LCA5: variants seen among roughly 807,000 people sequenced by gnomAD.
LCA5 encodes lebercilin LCA5.
In LCA5, 37 loss-of-function variants were observed where a neutral mutation model predicts 53.0. The observed-to-expected ratio is 0.70, with a 90% CI of 0.54 to 0.92. The LOEUF is 0.92. Ranked by LOEUF, LCA5 falls within the 40% of genes least tolerant of loss-of-function variation. The pLI, the probability that LCA5 is intolerant of heterozygous loss-of-function variation, is 0.00. For missense variants in LCA5, 806 were observed against 790.5 expected (o/e 1.02, Z -0.23); for synonymous variants, 303 against 282.9 (o/e 1.07, Z -0.71).
intron 6 of LCA5, 111 bp from the exon 7 acceptor site, chr6:79,489,327 C>G: frequency 9.1e-7 from 1 of 1,103,168 alleles, no homozygotes; most frequent in Non-Finnish European, 1.3e-6. Context: ...AAAATTAATA[C>G]AAATTTTCAA....
intron 2 of LCA5, among the ~76,000 whole-genome samples, chr6:79,517,595 T>C (rs1394873033): frequency 1.3e-5 from 2 of 152,078 alleles, no homozygotes; most frequent in Non-Finnish European, 2.9e-5. Context: ...CAAAGCATTG[T>C]ACTTACAAAA....
At chr6:79,517,864 T>C (rs1438099552) in intron 2 of LCA5, among the ~76,000 whole-genome samples, 1 of 152,152 alleles carries the variant, frequency 6.6e-6, no homozygotes, top group Non-Finnish European at 1.5e-5. Flanking sequence ...GCAAGGCATT[T>C]CATAATGTGG....
At chr6:79,491,815 T>C in intron 5 of LCA5, 85 bp from the exon 6 acceptor site, 1 of 1,150,842 alleles carries the variant, frequency 8.7e-7, no homozygotes, top group Non-Finnish European at 1.3e-6. Context: ...TATATATATA[T>C]GCATGTGTGT....
At chr6:79,530,927 A>G (rs1766940585) in intron 1 of LCA5, among the ~76,000 whole-genome samples, 1 of 152,210 alleles carries the variant, frequency 6.6e-6, no homozygotes, top group South Asian at 2.1e-4. Flanking sequence ...AGTAATTATT[A>G]AGTTTTCTTG....
chr6:79,485,128 C>T lies in LCA5; in HGVS notation c.*1876G>A, dbSNP rs1165525283. On this transcript the variant is annotated 3_prime_UTR_variant, in exon 8 of 8. Coordinates refer to ENST00000369846, the MANE Select transcript of LCA5 (RefSeq NM_001122769.3). ...TACATTTTAATCTCCAATTTTAATG[C>T]TTAATATCATAATGCCTTTAAATCT... The T allele has an allele frequency of 3.9e-5, 6 of 152,374 alleles. No individual in the cohort carries two copies. The highest frequency in any genetic ancestry group is 5.9e-5 in the Non-Finnish European group (4 of 67,964). 9.4% of individuals were successfully genotyped at this position (152,374 alleles called of 1,614,324 possible). A position where few individuals can be genotyped will look rare whatever the true frequency, so the allele number is the denominator to read the frequency against.
intron 1 of LCA5, among the ~76,000 whole-genome samples, chr6:79,530,170 G>A (rs1766916205): frequency 6.6e-6 from 1 of 152,160 alleles, no homozygotes; most frequent in South Asian, 2.1e-4. Context: ...CAGGTTTTGA[G>A]GGATGTCTCT....
intron 3 of LCA5, among the ~76,000 whole-genome samples, chr6:79,510,026 A>G (rs143672594): frequency 6.6e-6 from 1 of 152,318 alleles, no homozygotes; most frequent in East Asian, 1.9e-4. Context: ...AAGGCAGAAG[A>G]TCAAGAGTAG....
chr6:79,487,519 T>C lies in LCA5; in HGVS notation c.1579A>G (p.Ile527Val), dbSNP rs75319738. ...RLFNGHHLQDISFSTPKGEGQ... is the reference protein window; with the variant it reads ...RLFNGHHLQDVSFSTPKGEGQ... ...TCTCCTTTTGGAGTTGAGAAACTGA[T>C]GTCTTGCAAATGATGCCCATTAAAT... Residue 527 changes from isoleucine to valine, a missense_variant, in exon 8 of 8, where the codon ATC becomes GTC. Transcript: ENST00000369846. The C allele has an allele frequency of 8.7e-4, 1,409 of 1,614,096 alleles. 16 individuals carry two copies. The African/African-American group carries it at 0.017, about 20-fold the overall frequency.
rs1238755929 is a variant in LCA5 at position 79,487,284 on chromosome 6, A to T, written c.1814T>A (p.Met605Lys). Residue 605 changes from methionine (M) to lysine (K), a missense_variant, in exon 8 of 8, where the codon ATG (methionine) becomes AAG (lysine). Physicochemically the swap from Met to Lys is moderately conservative, Grantham distance 95 (BLOSUM62 -1). Coordinates refer to ENST00000369846, the MANE Select transcript of LCA5 (RefSeq NM_001122769.3). Reference protein sequence around the residue: ...ITRKEKKANLMEQLFGASGSS... With the variant: ...ITRKEKKANLKEQLFGASGSS... The stretch of plus-strand genomic sequence containing the variant: ...ACCACTGGCACCAAATAACTGTTCC[A>T]TCAAATTAGCTTTTTTCTCTTTTCT... The T allele has an allele frequency of 6.2e-7, 1 of 1,614,008 alleles. No individual in the cohort carries two copies.
Position 79,518,866 on chromosome 6 carries a change from G to T in LCA5, c.29C>A (p.Thr10Asn). Residue 10 changes from threonine to asparagine, a missense_variant, in exon 2 of 8, where the codon ACT becomes AAT. Coordinates refer to ENST00000369846, the MANE Select transcript of LCA5 (RefSeq NM_001122769.3). Reference protein sequence around the residue: MGERAGSPGTDQERKAGKHH... With the variant: MGERAGSPGNDQERKAGKHH... Reference sequence around the variant, plus strand: ...TTTGCCTGCCTTTCTTTCTTGATCAGTACCTGGACTTCCTGCTCTTTCCCC... The same window carrying T: ...TTTGCCTGCCTTTCTTTCTTGATCATTACCTGGACTTCCTGCTCTTTCCCC... 1 of 1,614,108 alleles carries T rather than the reference G, an allele frequency of 6.2e-7. No homozygotes were observed. Among genetic ancestry groups the T allele is most frequent in the Non-Finnish European group, 8.5e-7 (1 of 1,179,990 alleles).
rs189778199 is a variant in LCA5, at chr6:79,521,253, G to A, written c.-191-2168C>T. Reference sequence around the variant, plus strand: ...TTGTAGATTTAACATTGGAAATTACGATTTTTAGAAATGAGATTTTTGAAA... The same window carrying A: ...TTGTAGATTTAACATTGGAAATTACAATTTTTAGAAATGAGATTTTTGAAA... On this transcript the variant is annotated intron_variant, in intron 1 of 7. Coordinates refer to ENST00000369846, the MANE Select transcript of LCA5 (RefSeq NM_001122769.3). Among the ~76,000 whole-genome samples, 607 of 152,210 alleles carry A rather than the reference G, an allele frequency of 4.0e-3. 1 individual carries two copies. The highest frequency in any genetic ancestry group is 6.8e-3 in the Non-Finnish European group (462 of 68,014).
rs979564973 is a variant in LCA5 at position 79,513,679 on chromosome 6, A to G, written c.253T>C (p.Ser85Pro). The change falls in exon 3 of 8, where the codon TCC becomes CCC. Residue 85 changes from serine to proline, a missense_variant. Transcript: ENST00000369846. ...AGTGGCTCTCTATTGAGGCTCTGGGAGCGAAATCCCACTCGGACTCCCTTT... is the reference window on the plus strand; with the variant it reads ...AGTGGCTCTCTATTGAGGCTCTGGGGGCGAAATCCCACTCGGACTCCCTTT... ...NRKGVRVGFR[S>P]QSLNREPLRK... is the part of the protein sequence containing the mutation. 15 of 1,613,634 alleles carry G rather than the reference A, an allele frequency of 9.3e-6. No homozygotes were observed. The highest frequency in any genetic ancestry group is 1.3e-5 in the Non-Finnish European group (15 of 1,179,820).
chr6:79,537,676 G>A (rs2127694669), upstream of LCA5, among the ~76,000 whole-genome samples: 1 of 152,324 alleles, frequency 6.6e-6, no homozygotes, highest in South Asian at 2.1e-4. Flanking sequence ...ACTGCTGAGC[G>A]TCGTGGGCTC....
chr6:79,512,598 T>C (rs1305593013), intron 3 of LCA5, among the ~76,000 whole-genome samples: 4 of 151,320 alleles, frequency 2.6e-5, no homozygotes, highest in African/African-American at 9.7e-5. Context: ...CAACAGAACC[T>C]GACTCAGGGC....
intron 3 of LCA5, among the ~76,000 whole-genome samples, chr6:79,507,734 T>TA (rs1041786645): frequency 1.2e-4 from 19 of 152,094 alleles, no homozygotes; most frequent in Non-Finnish European, 4.4e-5. Flanking sequence ...ATGCTGGCCA[T>TA]ACAGGGAGTC....
chr6:79,523,793 C>A (rs1766697466), intron 1 of LCA5, among the ~76,000 whole-genome samples: 1 of 152,050 alleles, frequency 6.6e-6, no homozygotes, highest in Admixed American at 6.5e-5. Context: ...CTCTCCCTGC[C>A]CCCCCTCAAA....
At chr6:79,510,136 A>G (rs1770373499) in intron 3 of LCA5, among the ~76,000 whole-genome samples, 1 of 152,326 alleles carries the variant, frequency 6.6e-6, no homozygotes, top group African/African-American at 2.4e-5. Context: ...TCAAGAGTGT[A>G]TAGTAACAAC....
chr6:79,488,717 C>T (rs1769745844), intron 7 of LCA5: 1 of 364,860 alleles, frequency 2.7e-6, no homozygotes, highest in Non-Finnish European at 4.9e-6. Context: ...ATTCTTGCCA[C>T]TTTAACTTTG....
At chr6:79,494,216 A>T (rs927650602) in intron 3 of LCA5, among the ~76,000 whole-genome samples, 1 of 151,152 alleles carries the variant, frequency 6.6e-6, no homozygotes, top group Non-Finnish European at 1.5e-5. Flanking sequence ...GCCTTGGTAG[A>T]CAAAACAAGA....
Sources: allele counts gnomAD v4.1 joint callset (sites outside exome capture counted in the v4.1 genomes callset), GRCh38; gene constraint gnomAD v4.1.1; transcripts MANE v1.5; gene names NCBI Gene and HGNC (gene_info 2026-07-23, HGNC 2026-07-21).